Variants in LUZP2 observed in about 807,000 individuals in gnomAD.
LUZP2 encodes the protein leucine zipper protein 2.
In LUZP2, 52 loss-of-function variants were observed where a neutral mutation model predicts 51.6. That is an observed-to-expected ratio of 1.01 (90% CI 0.81 to 1.27). LUZP2 has a LOEUF of 1.27. LUZP2 is among the 50% of genes most tolerant of loss of function. The pLI is 0.00. For synonymous variants in LUZP2, 154 were observed against 137.3 expected (o/e 1.12, Z -0.85); for missense variants, 436 against 395.4 (o/e 1.10, Z -0.87).
chr11:24,670,452 C>T (rs572685449), intron 1 of LUZP2, among the ~76,000 whole-genome samples: 12 of 152,000 alleles, frequency 7.9e-5, no homozygotes, highest in Admixed American at 2.0e-4. Flanking sequence ...AACTTAGGCC[C>T]GGTTGACTTC....
intron 9 of LUZP2, among the ~76,000 whole-genome samples, chr11:25,035,650 T>G (rs933733939): frequency 6.6e-6 from 1 of 152,110 alleles, no homozygotes; most frequent in Non-Finnish European, 1.5e-5. Flanking sequence ...CTTATCAAAC[T>G]ATCAACATCT....
At position 24,817,517 on chromosome 11, in the gene LUZP2, A is replaced by C. The variant is rs186973906; in HGVS notation, c.396+54209A>C. 2.2e-3 allele frequency among the ~76,000 whole-genome samples: 339 copies of C among 152,206 alleles called. 2 individuals are homozygous for C. The highest frequency in any genetic ancestry group is 7.8e-3 in the African/African-American group (326 of 41,560). On this transcript the variant is annotated intron_variant, in intron 5 of 11. Coordinates refer to ENST00000336930, the MANE Select transcript of LUZP2 (RefSeq NM_001009909.4). Reference sequence around the variant, plus strand: ...TGATGAATGAGAGAGTTGGAATCTGAAATCCAAATTTCAACAGATCTGTTT... The same window carrying C: ...TGATGAATGAGAGAGTTGGAATCTGCAATCCAAATTTCAACAGATCTGTTT...
intron 10 of LUZP2, among the ~76,000 whole-genome samples, chr11:25,065,166 A>G (rs1486079304): frequency 1.3e-5 from 2 of 152,050 alleles, no homozygotes; most frequent in Non-Finnish European, 2.9e-5. Flanking sequence ...ATGTTCTTGT[A>G]GTCAATGATG....
At chr11:24,568,516 A>C (rs1852323323) in intron 1 of LUZP2, among the ~76,000 whole-genome samples, 1 of 152,042 alleles carries the variant, frequency 6.6e-6, no homozygotes, top group African/African-American at 2.4e-5. Flanking sequence ...GCATCTAAAA[A>C]CAGAGCCCTA....
chr11:24,711,445 A>G (rs568114489), intron 1 of LUZP2, among the ~76,000 whole-genome samples: 274 of 135,910 alleles, frequency 2.0e-3, no homozygotes, highest in Non-Finnish European at 3.1e-3. Flanking sequence ...GCGAGACTCC[A>G]TCTCAAAATA....
chr11:24,949,643 G>A (rs1054961037), intron 7 of LUZP2, among the ~76,000 whole-genome samples: 21 of 151,552 alleles, frequency 1.4e-4, no homozygotes, highest in African/African-American at 3.9e-4. Flanking sequence ...CAGAGGCAGC[G>A]GTTCGTAATA....
chr11:24,766,605 T>A lies in LUZP2; in HGVS notation c.396+3297T>A, dbSNP rs574521244. Among the ~76,000 whole-genome samples the A allele has an allele frequency of 2.0e-5, 3 of 152,296 alleles. No homozygotes were observed. In the South Asian group the frequency reaches 6.2e-4, roughly 32 times the overall value. On this transcript the variant is annotated intron_variant, in intron 5 of 11. Coordinates refer to ENST00000336930, the MANE Select transcript of LUZP2 (RefSeq NM_001009909.4). The stretch of plus-strand genomic sequence containing the variant: ...ACAAGAGATTTAAGAAAAATCTGCA[T>A]CAAATTTTAATTTTGATGATAGTGT...
At chr11:25,045,876 T>C (rs1858290346) in intron 9 of LUZP2, among the ~76,000 whole-genome samples, 1 of 152,180 alleles carries the variant, frequency 6.6e-6, no homozygotes, top group Non-Finnish European at 1.5e-5. Flanking sequence ...TACTGATCTT[T>C]ACCAATTTTA....
At position 24,564,872 on chromosome 11, in the gene LUZP2, G is replaced by A. The variant is rs151116128; in HGVS notation, c.62+67567G>A. 6.6e-3 allele frequency among the ~76,000 whole-genome samples: 1,010 copies of A among 152,068 alleles called. 16 individuals carry two copies. The highest frequency in any genetic ancestry group is 0.023 in the African/African-American group (962 of 41,472). On this transcript the variant is annotated intron_variant, in intron 1 of 11. Coordinates refer to ENST00000336930, the MANE Select transcript of LUZP2 (RefSeq NM_001009909.4). ...ATAAACCTTGTTAGTTGATTCTTAC[G>A]AGTTTGAAAAAGTATATGTTTGAGA... is the stretch of plus-strand genomic sequence containing the variant.
intron 9 of LUZP2, among the ~76,000 whole-genome samples, chr11:25,009,321 T>A (rs1856919513): frequency 6.6e-6 from 1 of 152,206 alleles, no homozygotes; most frequent in African/African-American, 2.4e-5. Flanking sequence ...TTTTTGAAAT[T>A]CTCTAAAATT....
At chr11:24,514,086 C>T (rs1363400248) in intron 1 of LUZP2, among the ~76,000 whole-genome samples, 2 of 152,120 alleles carry the variant, frequency 1.3e-5, no homozygotes, top group African/African-American at 4.8e-5. Context: ...GAGTGGTACC[C>T]CTAAACAGTG....
At chr11:25,016,519 T>G (rs1313411405) in intron 9 of LUZP2, among the ~76,000 whole-genome samples, 2 of 152,138 alleles carry the variant, frequency 1.3e-5, no homozygotes, top group Non-Finnish European at 2.9e-5. Flanking sequence ...TTCCATGGTA[T>G]ATATACATAT....
chr11:24,884,408 A>C (rs971659689), intron 5 of LUZP2, among the ~76,000 whole-genome samples: 4 of 152,046 alleles, frequency 2.6e-5, no homozygotes, highest in African/African-American at 9.7e-5. Flanking sequence ...CCTGGCACAA[A>C]GTAAACACTC....
At chr11:24,694,230 A>T (rs1857168946) in intron 1 of LUZP2, among the ~76,000 whole-genome samples, 1 of 151,552 alleles carries the variant, frequency 6.6e-6, no homozygotes, top group East Asian at 1.9e-4. Context: ...TCTCTTTGAT[A>T]TTCTTCCAAT....
chr11:24,568,076 T>C (rs984504893), intron 1 of LUZP2, among the ~76,000 whole-genome samples: 1 of 152,194 alleles, frequency 6.6e-6, no homozygotes, highest in Admixed American at 6.6e-5. Flanking sequence ...GTAGACATTT[T>C]AGATTCCAAA....
At chr11:24,985,450 T>G (rs966847260) in intron 9 of LUZP2, among the ~76,000 whole-genome samples, 2 of 151,894 alleles carry the variant, frequency 1.3e-5, no homozygotes, top group South Asian at 4.1e-4. Context: ...CCAGGGGATC[T>G]GATCTGCATT....
chr11:24,601,950 A>AT (rs1491227574), intron 1 of LUZP2, among the ~76,000 whole-genome samples: 21 of 130,266 alleles, frequency 1.6e-4, no homozygotes, highest in African/African-American at 5.9e-4. Flanking sequence ...ATATATGTAT[A>AT]AATGTATATA....
intron 5 of LUZP2, among the ~76,000 whole-genome samples, chr11:24,876,803 T>A (rs184238110): frequency 6.6e-6 from 1 of 151,990 alleles, no homozygotes; most frequent in Non-Finnish European, 1.5e-5. Flanking sequence ...CTCCTTGAAG[T>A]ACACTCCTCT....
intron 10 of LUZP2, among the ~76,000 whole-genome samples, chr11:25,065,030 C>T (rs571456279): frequency 6.6e-6 from 1 of 152,122 alleles, no homozygotes; most frequent in African/African-American, 2.4e-5. Flanking sequence ...CATTGACAGG[C>T]ATAGTAAAAA....
Sources: gnomAD v4.1 joint callset for allele counts (sites outside exome capture counted in the v4.1 genomes callset) on GRCh38, gnomAD v4.1.1 for gene constraint, MANE v1.5 for transcripts, NCBI Gene and HGNC (gene_info 2026-07-23, HGNC 2026-07-21) for gene names.